HIGD1C: variants seen among roughly 807,000 people sequenced by gnomAD.
HIGD1C encodes HIG1 hypoxia inducible domain family member 1C.
In HIGD1C, 11 loss-of-function variants were observed where a neutral mutation model predicts 13.1. The observed-to-expected ratio is 0.84, with a 90% CI of 0.53 to 1.39. The LOEUF (loss-of-function observed/expected upper bound fraction) is 1.39, where lower values mean the gene tolerates loss of function less well. Ranked by LOEUF, HIGD1C falls within the 40% of genes most tolerant of loss-of-function variation. The pLI is 0.00. For missense variants in HIGD1C, 110 were observed against 112.0 expected (o/e 0.98, Z 0.08); for synonymous variants, 36 against 37.7 (o/e 0.95, Z 0.17).
upstream of HIGD1C, among the ~76,000 whole-genome samples, chr12:50,948,937 A>G (rs1431059199): frequency 1.7e-4 from 3 of 17,956 alleles, no homozygotes; most frequent in African/African-American, 4.8e-4. Flanking sequence ...GGAGGGGAGG[A>G]GGAGGAGGAG....
intron 2 of HIGD1C, among the ~76,000 whole-genome samples, chr12:50,962,932 G>A (rs1939394298): frequency 6.6e-6 from 1 of 152,184 alleles, no homozygotes; most frequent in African/African-American, 2.4e-5. Context: ...AGGCGAATCA[G>A]TGTTTGAGGA....
the HIGD1C span, among the ~76,000 whole-genome samples, chr12:50,943,261 T>C: frequency 6.6e-6 from 1 of 152,164 alleles, no homozygotes; most frequent in Non-Finnish European, 1.5e-5. Context: ...GCCTCCCTCA[T>C]GCCTGGTTCT....
At chr12:50,953,506 G>C (rs1341925926), upstream of HIGD1C, among the ~76,000 whole-genome samples, 2 of 152,210 alleles carry the variant, frequency 1.3e-5, no homozygotes, top group African/African-American at 4.8e-5. Flanking sequence ...GTAAATATCT[G>C]AATGACTTTA....
chr12:50,934,590 A>C, the HIGD1C span, among the ~76,000 whole-genome samples: 2 of 152,378 alleles, frequency 1.3e-5, no homozygotes, highest in South Asian at 2.1e-4. Context: ...GATGAGGAAG[A>C]AGCTCAGGGT....
chr12:50,945,841 C>T, the HIGD1C span, among the ~76,000 whole-genome samples: 398 of 152,196 alleles, frequency 2.6e-3, 1 homozygote, highest in African/African-American at 8.8e-3. Context: ...TACTACAAGG[C>T]TACAGTAACC....
intron 1 of HIGD1C, among the ~76,000 whole-genome samples, chr12:50,956,727 C>T (rs1437080158): frequency 6.6e-6 from 1 of 152,114 alleles, no homozygotes; most frequent in Non-Finnish European, 1.5e-5. Flanking sequence ...ATAGCAATGG[C>T]AGTTTTTCTT....
chr12:50,938,366 C>G, the HIGD1C span, among the ~76,000 whole-genome samples: 1 of 152,182 alleles, frequency 6.6e-6, no homozygotes, highest in Non-Finnish European at 1.5e-5. Flanking sequence ...CACACCAGAG[C>G]GAGTACTGGG....
chr12:50,937,069 T>C, the HIGD1C span, among the ~76,000 whole-genome samples: 2 of 152,254 alleles, frequency 1.3e-5, no homozygotes, highest in Admixed American at 6.5e-5. Context: ...GCTTATTACA[T>C]AGCACGTGCT....
At chr12:50,962,872 A>C (rs1490189274) in intron 2 of HIGD1C, among the ~76,000 whole-genome samples, 1 of 152,174 alleles carries the variant, frequency 6.6e-6, no homozygotes, top group Non-Finnish European at 1.5e-5. Context: ...CAGAGGAAAA[A>C]ACAAAGGCAC....
upstream of HIGD1C, among the ~76,000 whole-genome samples, chr12:50,950,116 C>T (rs1938862329): frequency 6.6e-6 from 1 of 152,124 alleles, no homozygotes; most frequent in African/African-American, 2.4e-5. Context: ...GGTGACAGGA[C>T]CAAGGCACAG....
At chr12:50,951,301 T>C (rs1426825651), upstream of HIGD1C, among the ~76,000 whole-genome samples, 2 of 152,084 alleles carry the variant, frequency 1.3e-5, no homozygotes, top group African/African-American at 4.8e-5. Context: ...GATGACAGAC[T>C]CTATTTAGAA....
upstream of HIGD1C, among the ~76,000 whole-genome samples, chr12:50,948,926 GGGAGGGGAGGAGGAGGAGGA>G: frequency 5.0e-5 from 1 of 20,190 alleles, no homozygotes; most frequent in Non-Finnish European, 9.0e-5. Context: ...GGGGGGGAGG[GGGAGGGGAGGAGGAGGAGGA>G]GGAGGAGACA....
upstream of HIGD1C, among the ~76,000 whole-genome samples, chr12:50,951,324 G>A (rs2139775861): frequency 6.6e-6 from 1 of 152,234 alleles, no homozygotes; most frequent in Non-Finnish European, 1.5e-5. Flanking sequence ...TGGGCATGGT[G>A]GGAATATTTA....
chr12:50,936,226 A>T, the HIGD1C span, among the ~76,000 whole-genome samples: 13 of 151,750 alleles, frequency 8.6e-5, no homozygotes, highest in African/African-American at 2.9e-4. Flanking sequence ...CTTTTATTCC[A>T]TGTCCCAAAT....
At chr12:50,961,025 G>A (rs1939306628) in exon 2 of HIGD1C, 1 of 1,612,534 alleles carries the variant, frequency 6.2e-7, no homozygotes, top group Non-Finnish European at 8.5e-7. Context: ...AAGTACAGAA[G>A]AGATCAGAAA....
intron 2 of HIGD1C, among the ~76,000 whole-genome samples, chr12:50,966,497 A>G (rs1200376704): frequency 6.6e-6 from 1 of 152,202 alleles, no homozygotes; most frequent in East Asian, 1.9e-4. Flanking sequence ...AGATGCCAGT[A>G]GAACTCCTTC....
intron 2 of HIGD1C, among the ~76,000 whole-genome samples, chr12:50,965,493 C>G (rs73297927): frequency 0.028 from 4,295 of 152,034 alleles, 209 homozygotes; most frequent in African/African-American, 0.099. Flanking sequence ...GGTCAGGGGA[C>G]CAGTGTAAGA....
rs371611101 is a variant in HIGD1C at position 50,953,992 on chromosome 12, G to A, written c.-7G>A. 9.5e-5 allele frequency: 151 copies of A among 1,586,558 alleles called. 1 individual carries two copies. The African/African-American group carries it at 1.9e-3, about 20-fold the overall frequency. ...ACATTTATATCCTATTGTTACTAGA[G>A]AAAAAAATGTCTTCAGATAACCAGT... On this transcript the variant is annotated 5_prime_UTR_variant, in exon 1 of 3. Coordinates refer to ENST00000398455, the Ensembl canonical transcript of HIGD1C.
chr12:50,969,413 C>T (rs1027288461), intron 2 of HIGD1C, among the ~76,000 whole-genome samples: 3 of 151,570 alleles, frequency 2.0e-5, no homozygotes, highest in South Asian at 4.2e-4. Context: ...AAATCTCATA[C>T]GTAAGGCCAG....
Sources: allele counts gnomAD v4.1 joint callset (sites outside exome capture counted in the v4.1 genomes callset), GRCh38; gene constraint gnomAD v4.1.1; transcripts MANE v1.5; gene names NCBI Gene and HGNC (gene_info 2026-07-23, HGNC 2026-07-21).